PITPNB: variants seen among roughly 807,000 people sequenced by gnomAD.
The protein encoded by PITPNB is phosphatidylinositol transfer protein beta, also known as phosphatidylinositol transfer protein beta isoform.
In PITPNB, 16 loss-of-function variants were observed where a neutral mutation model predicts 45.9. The ratio of observed to expected loss-of-function variants is 0.35; its 90% CI spans 0.24 to 0.53. PITPNB has a LOEUF of 0.53. Ranked by LOEUF, PITPNB falls within the 20% of genes least tolerant of loss-of-function variation. PITPNB has a pLI of 0.93. For missense variants in PITPNB, 188 were observed against 330.5 expected, an observed-to-expected ratio of 0.57 and a Z score of 3.34; for synonymous variants, 112 against 108.9, an observed-to-expected ratio of 1.03 and a Z score of -0.18.
At chr22:27,870,826 T>C (rs1934638567) in intron 8 of PITPNB, among the ~76,000 whole-genome samples, 1 of 152,238 alleles carries the variant, frequency 6.6e-6, no homozygotes, top group South Asian at 2.1e-4. Context: ...TACGCTTTAT[T>C]TCCCTCCACA....
chr22:27,858,204 AAG>A (rs1934226056), intron 10 of PITPNB, among the ~76,000 whole-genome samples, 181 bp downstream of exon 10: 1 of 152,232 alleles, frequency 6.6e-6, no homozygotes. Flanking sequence ...TGCTCAACAA[AAG>A]AGAGATCAGA....
chr22:27,886,927 T>C (rs1044829365), intron 7 of PITPNB, among the ~76,000 whole-genome samples: 3 of 152,152 alleles, frequency 2.0e-5, no homozygotes, highest in African/African-American at 7.2e-5. Flanking sequence ...AGTCATTAAA[T>C]ACAGAATGAA....
At chr22:27,895,161 G>A (rs1935398436) in intron 6 of PITPNB, among the ~76,000 whole-genome samples, 1 of 152,140 alleles carries the variant, frequency 6.6e-6, no homozygotes, top group South Asian at 2.1e-4. Context: ...TGCCATCTGT[G>A]AACTAATTAG....
rs964199980 is a variant in PITPNB at position 27,903,878 on chromosome 22, G to A, written c.198-5986C>T. 1.1e-4 allele frequency among the ~76,000 whole-genome samples: 16 copies of A among 151,222 alleles called. No homozygotes were observed. In the East Asian group the frequency reaches 3.1e-3, roughly 29 times the overall value. ...ATATACAAATGACCAAAAAGCACTT[G>A]AAAAGATGTTAACATCATTAATCAC... On this transcript the variant is annotated intron_variant, in intron 3 of 11. Coordinates refer to ENST00000335272, the MANE Select transcript of PITPNB (RefSeq NM_012399.5).
chr22:27,866,116 A>G (rs1364294204), intron 8 of PITPNB, among the ~76,000 whole-genome samples: 1 of 152,230 alleles, frequency 6.6e-6, no homozygotes, highest in Non-Finnish European at 1.5e-5. Context: ...AGAATGGTTG[A>G]TTACAAAGAG....
chr22:27,895,537 C>T (rs1467787343), intron 6 of PITPNB, among the ~76,000 whole-genome samples: 1 of 151,504 alleles, frequency 6.6e-6, no homozygotes, highest in African/African-American at 2.4e-5. Flanking sequence ...TTGCACTGAG[C>T]AGACAGCACG....
rs1569012116 is a variant in PITPNB at position 27,873,948 on chromosome 22, G to A, written c.457-133C>T. The A allele has an allele frequency of 1.8e-5, 11 of 617,008 alleles. No homozygotes were observed. In the East Asian group the frequency reaches 2.5e-4, roughly 14 times the overall value. 38.2% of individuals were successfully genotyped at this position (617,008 alleles called of 1,614,324 possible). Reference sequence around the variant, plus strand: ...AGACTCACTGTGCTTTTGCGTAAAAGTAGAAAAATGCTTCTTTAAGACACT... The same window carrying A: ...AGACTCACTGTGCTTTTGCGTAAAAATAGAAAAATGCTTCTTTAAGACACT... On this transcript the variant is annotated intron_variant, in intron 7 of 11. Coordinates refer to ENST00000335272, the MANE Select transcript of PITPNB (RefSeq NM_012399.5).
chr22:27,877,202 G>A (rs1262471028), intron 7 of PITPNB, among the ~76,000 whole-genome samples: 1 of 152,214 alleles, frequency 6.6e-6, no homozygotes, highest in Non-Finnish European at 1.5e-5. Flanking sequence ...TTAATTATCT[G>A]TATAATGCCC....
intron 7 of PITPNB, among the ~76,000 whole-genome samples, chr22:27,885,561 G>T (rs1029168856): frequency 1.3e-5 from 2 of 152,134 alleles, no homozygotes; most frequent in Non-Finnish European, 2.9e-5. Context: ...CCAGGCTGGA[G>T]TACAGTGGCA....
rs7286067 is a variant in PITPNB, at chr22:27,890,845, G to A, written c.456+3710C>T. Among the ~76,000 whole-genome samples the A allele has an allele frequency of 9.3e-3, 1,417 of 152,176 alleles. 26 individuals carry two copies. Among genetic ancestry groups the A allele is most frequent in the African/African-American group, 0.032 (1,320 of 41,528 alleles). ...AAAACAAAACAAAAAACAGATGAAT[G>A]CATGAACAAAATGTGGTCTATCCAT... On this transcript the variant is annotated intron_variant, in intron 7 of 11. Transcript: ENST00000335272.
At chr22:27,893,417 T>C (rs577557013) in intron 7 of PITPNB, among the ~76,000 whole-genome samples, 38 of 151,344 alleles carry the variant, frequency 2.5e-4, no homozygotes, top group African/African-American at 9.2e-4. Flanking sequence ...CCCGAGTAGC[T>C]GGGACTATAG....
intron 8 of PITPNB, among the ~76,000 whole-genome samples, chr22:27,872,091 T>TG (rs1273292301): frequency 1.5e-5 from 2 of 133,742 alleles, no homozygotes; most frequent in Non-Finnish European, 3.2e-5. Context: ...GTTTTTTTTT[T>TG]TTTTTTTTTT....
At chr22:27,879,963 T>C (rs1170834355) in intron 7 of PITPNB, among the ~76,000 whole-genome samples, 2 of 152,166 alleles carry the variant, frequency 1.3e-5, no homozygotes, top group Non-Finnish European at 2.9e-5. Flanking sequence ...AGTTAAAATA[T>C]GAAAAAAATT....
intron 3 of PITPNB, among the ~76,000 whole-genome samples, chr22:27,910,172 G>A (rs563747077): frequency 6.6e-6 from 1 of 151,964 alleles, no homozygotes; most frequent in East Asian, 1.9e-4. Flanking sequence ...GGGTGGTCTC[G>A]ATCTCTTGAC....
chr22:27,906,691 A>C (rs1935771142), intron 3 of PITPNB, among the ~76,000 whole-genome samples: 1 of 152,228 alleles, frequency 6.6e-6, no homozygotes, highest in African/African-American at 2.4e-5. Flanking sequence ...ACCAGCACAC[A>C]GTAAAAATAC....
intron 7 of PITPNB, among the ~76,000 whole-genome samples, chr22:27,874,200 T>C (rs1934751827): frequency 6.6e-6 from 1 of 152,186 alleles, no homozygotes; most frequent in East Asian, 1.9e-4. Flanking sequence ...ACACTACAGG[T>C]AGATGATGAC....
intron 7 of PITPNB, among the ~76,000 whole-genome samples, chr22:27,876,479 A>G (rs1934822985): frequency 6.6e-6 from 1 of 152,252 alleles, no homozygotes; most frequent in African/African-American, 2.4e-5. Context: ...AGAATAATGA[A>G]TCTTGTCAAG....
At chr22:27,859,591 G>C (rs1353196881) in intron 9 of PITPNB, among the ~76,000 whole-genome samples, 3 of 152,050 alleles carry the variant, frequency 2.0e-5, no homozygotes, top group African/African-American at 7.2e-5. Flanking sequence ...CTTTAATAAA[G>C]AAGACATAAA....
chr22:27,914,167 AT>A, intron 2 of PITPNB, 149 bp downstream of exon 2: 2 of 642,542 alleles, frequency 3.1e-6, no homozygotes, highest in Non-Finnish European at 5.7e-6. Flanking sequence ...TCATTTTGCA[AT>A]TCTTTGCAAT....
Sources: gnomAD v4.1 joint callset for allele counts (sites outside exome capture counted in the v4.1 genomes callset) on GRCh38, gnomAD v4.1.1 for gene constraint, MANE v1.5 for transcripts, NCBI Gene and HGNC (gene_info 2026-07-23, HGNC 2026-07-21) for gene names.